PRMT3: variants seen among roughly 807,000 people sequenced by gnomAD.
The protein encoded by PRMT3 is protein arginine methyltransferase 3.
Under a neutral mutation model 71.9 loss-of-function variants are expected in PRMT3, and 62 were observed. The ratio of observed to expected loss-of-function variants is 0.86; its 90% CI spans 0.70 to 1.07. The LOEUF (loss-of-function observed/expected upper bound fraction) is 1.07, where lower values mean the gene tolerates loss of function less well. Ranked by LOEUF, PRMT3 falls within the 50% of genes least tolerant of loss-of-function variation. The probability of loss-of-function intolerance (pLI) is 0.00; values close to 1 mark genes in which losing one functional copy is unlikely to be tolerated. For missense variants in PRMT3, 663 were observed against 643.0 expected (o/e 1.03, Z -0.34); for synonymous variants, 213 against 220.4 (o/e 0.97, Z 0.30).
At chr11:20,409,020 TGG>T (rs1849133267) in intron 9 of PRMT3, among the ~76,000 whole-genome samples, 1 of 152,042 alleles carries the variant, frequency 6.6e-6, no homozygotes. Flanking sequence ...TTGATAGACC[TGG>T]GGAAGTGGAG....
intron 7 of PRMT3, among the ~76,000 whole-genome samples, chr11:20,401,797 GT>G (rs1848954494): frequency 6.6e-6 from 1 of 152,174 alleles, no homozygotes. Flanking sequence ...CAGCATAAAT[GT>G]TAGAGTTACA....
Position 20,392,954 on chromosome 11 carries a change from G to A in PRMT3, c.355G>A (p.Glu119Lys). 6.2e-7 allele frequency: 1 copy of A among 1,607,000 alleles called. No individual in the cohort carries two copies. The highest frequency in any genetic ancestry group is 1.1e-5 in the South Asian group (1 of 90,922). Reference sequence around the variant, plus strand: ...CAACCCAGTGCCTTGGGAGAAAGAAGAGTATTTGAAGCCAGTATTAGAAGA... The same window carrying A: ...CAACCCAGTGCCTTGGGAGAAAGAAAAGTATTTGAAGCCAGTATTAGAAGA... Reference protein sequence around the residue: ...IYNPVPWEKEEYLKPVLEDDL... With the variant: ...IYNPVPWEKEKYLKPVLEDDL... Residue 119 changes from glutamate to lysine, a missense_variant, in exon 5 of 16, where the codon GAG becomes AAG. By Grantham distance (56) the Glu-to-Lys change is moderately conservative. Coordinates refer to ENST00000331079, the MANE Select transcript of PRMT3 (RefSeq NM_005788.4).
intron 8 of PRMT3, among the ~76,000 whole-genome samples, chr11:20,404,161 G>GT (rs59031740): frequency 0.79 from 104,306 of 132,006 alleles, 42,841 homozygotes; most frequent in Non-Finnish European, 0.92. Context: ...TTTATATTTA[G>GT]TTTTTTTTTG....
At chr11:20,452,950 T>G (rs1031294249) in intron 11 of PRMT3, among the ~76,000 whole-genome samples, 1 of 152,214 alleles carries the variant, frequency 6.6e-6, no homozygotes, top group Non-Finnish European at 1.5e-5. Flanking sequence ...TTGAATCATT[T>G]AAAGAATCAT....
At chr11:20,453,307 C>G (rs2133388834) in intron 11 of PRMT3, among the ~76,000 whole-genome samples, 1 of 147,732 alleles carries the variant, frequency 6.8e-6, no homozygotes, top group African/African-American at 2.5e-5. Context: ...ATAGTGAAAC[C>G]CCGTCTTTAC....
intron 11 of PRMT3, among the ~76,000 whole-genome samples, chr11:20,454,235 G>A (rs1223867447): frequency 6.6e-6 from 1 of 152,094 alleles, no homozygotes; most frequent in Non-Finnish European, 1.5e-5. Context: ...CTACTAAAAT[G>A]TATTTTTTAA....
chr11:20,411,124 G>A (rs1229038364), intron 9 of PRMT3, among the ~76,000 whole-genome samples: 1 of 152,056 alleles, frequency 6.6e-6, no homozygotes, highest in East Asian at 1.9e-4. Flanking sequence ...CAGCAATCTA[G>A]CATAATAGCT....
chr11:20,404,222 T>TTTGTTTTG (rs1565196791), intron 8 of PRMT3, among the ~76,000 whole-genome samples: 6 of 34,002 alleles, frequency 1.8e-4, no homozygotes, highest in African/African-American at 5.0e-4. Flanking sequence ...TTTTTTTTTT[T>TTTGTTTTG]TTTTTTTTTT....
intron 10 of PRMT3, among the ~76,000 whole-genome samples, chr11:20,447,956 G>A (rs1850067473): frequency 6.6e-6 from 1 of 152,006 alleles, no homozygotes; most frequent in Admixed American, 6.6e-5. Context: ...GCTATGGAAT[G>A]GAGCAAGTAA....
chr11:20,437,431 T>C (rs762983005), intron 10 of PRMT3, among the ~76,000 whole-genome samples: 1 of 152,190 alleles, frequency 6.6e-6, no homozygotes, highest in Non-Finnish European at 1.5e-5. Context: ...GAAAGATTAG[T>C]GTTCCAGTTG....
intron 11 of PRMT3, among the ~76,000 whole-genome samples, chr11:20,460,907 T>C (rs1474180089): frequency 6.6e-6 from 1 of 152,180 alleles, no homozygotes; most frequent in East Asian, 1.9e-4. Context: ...CTAGTTCAGA[T>C]CACCTGGTTT....
At chr11:20,463,862 G>A (rs1850444431) in intron 12 of PRMT3, among the ~76,000 whole-genome samples, 1 of 146,714 alleles carries the variant, frequency 6.8e-6, no homozygotes, top group African/African-American at 2.5e-5. Context: ...GGCAGAATGG[G>A]AAAATAAAGA....
At chr11:20,470,307 T>G (rs1850612751) in intron 13 of PRMT3, among the ~76,000 whole-genome samples, 1 of 152,184 alleles carries the variant, frequency 6.6e-6, no homozygotes, top group Admixed American at 6.5e-5. Flanking sequence ...TAGGTAAACG[T>G]GTGCCATAGT....
At chr11:20,494,321 C>A in intron 15 of PRMT3, 67 bp downstream of exon 15, 2 of 1,324,272 alleles carry the variant, frequency 1.5e-6, no homozygotes, top group Non-Finnish European at 2.2e-6. Flanking sequence ...ATTCATTTTA[C>A]AGCCACTTTT....
At chr11:20,469,355 G>A (rs1850589481) in intron 13 of PRMT3, among the ~76,000 whole-genome samples, 1 of 152,126 alleles carries the variant, frequency 6.6e-6, no homozygotes, top group Non-Finnish European at 1.5e-5. Flanking sequence ...TATGCCAAGT[G>A]GCATTTATAT....
rs2133401429 is a variant in PRMT3 at position 20,461,977 on chromosome 11, C to T, written c.1073-3C>T. 1 of 1,522,148 alleles carries T rather than the reference C, an allele frequency of 6.6e-7. No homozygotes were observed. The highest frequency in any genetic ancestry group is 1.4e-5 in the South Asian group (1 of 73,830). The allele number at this position is 1,522,148 out of a possible 1,614,324, so 94.3% of individuals were successfully genotyped here. Reference sequence around the variant, plus strand: ...TAATTGTTGGGCATTTTGTTTGTTACAGTCTACCCTGACATTTGCACTATC... The same window carrying T: ...TAATTGTTGGGCATTTTGTTTGTTATAGTCTACCCTGACATTTGCACTATC... On this transcript the variant is annotated splice_region_variant and splice_polypyrimidine_tract_variant and intron_variant, in intron 11 of 15. Coordinates refer to ENST00000331079, the MANE Select transcript of PRMT3 (RefSeq NM_005788.4).
chr11:20,486,109 A>G (rs1001418454), intron 13 of PRMT3, among the ~76,000 whole-genome samples: 1 of 152,232 alleles, frequency 6.6e-6, no homozygotes, highest in Non-Finnish European at 1.5e-5. Flanking sequence ...ACAAAAGACC[A>G]TCTCTTATAT....
intron 13 of PRMT3, among the ~76,000 whole-genome samples, chr11:20,481,235 T>C (rs1850923719): frequency 6.7e-6 from 1 of 148,248 alleles, no homozygotes; most frequent in South Asian, 2.2e-4. Context: ...AGATATAATT[T>C]ACGCAAATTA....
chr11:20,396,756 T>C (rs1362264941), intron 6 of PRMT3, among the ~76,000 whole-genome samples: 1 of 152,150 alleles, frequency 6.6e-6, no homozygotes, highest in African/African-American at 2.4e-5. Context: ...GTGTAGTACT[T>C]TTCAAAGTTT....
Sources: allele counts gnomAD v4.1 joint callset (sites outside exome capture counted in the v4.1 genomes callset), GRCh38; gene constraint gnomAD v4.1.1; transcripts MANE v1.5; gene names NCBI Gene and HGNC (gene_info 2026-07-23, HGNC 2026-07-21).